FGF12: variants seen among roughly 807,000 people sequenced by gnomAD.
FGF12 encodes fibroblast growth factor 12.
Under a neutral mutation model 23.6 loss-of-function variants are expected in FGF12, and 14 were observed. The ratio of observed to expected loss-of-function variants is 0.59; its 90% CI spans 0.39 to 0.93. The LOEUF (loss-of-function observed/expected upper bound fraction) is 0.93. Ranked by LOEUF, FGF12 falls within the 40% of genes least tolerant of loss-of-function variation. The probability of loss-of-function intolerance (pLI) is 0.00; values close to 1 mark genes in which losing one functional copy is unlikely to be tolerated. For missense variants in FGF12, 175 were observed against 217.8 expected (o/e 0.80, Z 1.24); for synonymous variants, 62 against 77.3 (o/e 0.80, Z 1.04).
chr3:192,408,610 C>CA lies in FGF12; in HGVS notation c.14-48073dup, dbSNP rs1721066961. ...CAAGTGGAAGGGGAAGAACGATGCC[C>CA]AAAATAACAAGACGTGCCTCTGTTG... On this transcript the variant is annotated intron_variant, in intron 2 of 5. Coordinates refer to ENST00000445105, the MANE Select transcript of FGF12 (RefSeq NM_004113.6). The surrounding 1 kb of genome is among the most constrained non-coding windows in gnomAD (Gnocchi z 7.3). The CA allele has an allele frequency of 9.5e-7, 1 of 1,047,344 alleles. No individual in the cohort carries two copies. The highest frequency in any genetic ancestry group is 1.7e-5 in the African/African-American group (1 of 59,020). 64.9% of individuals were successfully genotyped at this position (1,047,344 alleles called of 1,614,324 possible).
chr3:192,139,413 G>GA lies in FGF12; in HGVS notation c.*4595dup, dbSNP rs1345168678. The GA allele has an allele frequency of 1.3e-5, 2 of 152,078 alleles. No homozygotes were observed. The highest frequency in any genetic ancestry group is 6.5e-5 in the Admixed American group (1 of 15,272). 9.4% of individuals were successfully genotyped at this position (152,078 alleles called of 1,614,324 possible). On this transcript the variant is annotated 3_prime_UTR_variant, in exon 6 of 6. Coordinates refer to ENST00000445105, the MANE Select transcript of FGF12 (RefSeq NM_004113.6). ...GATTTGAATAATCTGTGCTTTAATG[G>GA]AAAAATGAAACATTAATTTGTTTAG...
At chr3:192,632,677 T>G (rs1448716628) in intron 2 of FGF12, among the ~76,000 whole-genome samples, 1 of 152,250 alleles carries the variant, frequency 6.6e-6, no homozygotes, top group Non-Finnish European at 1.5e-5. Flanking sequence ...GTTCATTAAT[T>G]CTTATCGAAA....
At chr3:192,468,725 T>TA (rs1723078258) in intron 2 of FGF12, among the ~76,000 whole-genome samples, 2 of 152,066 alleles carry the variant, frequency 1.3e-5, no homozygotes, top group South Asian at 4.1e-4. Context: ...AGTTAATATA[T>TA]ATCTTGAGGA....
chr3:192,493,927 T>G (rs911209314), intron 2 of FGF12, among the ~76,000 whole-genome samples: 2 of 151,950 alleles, frequency 1.3e-5, no homozygotes, highest in African/African-American at 4.8e-5. Context: ...ACAGGATGAT[T>G]TTTTTCTGTT....
At chr3:192,269,690 C>A (rs1713303887) in intron 4 of FGF12, among the ~76,000 whole-genome samples, 1 of 152,196 alleles carries the variant, frequency 6.6e-6, no homozygotes, top group Admixed American at 6.5e-5. Context: ...GTTGCAGAGT[C>A]TACCCAATAA....
rs148950717 is a variant in FGF12 at position 192,525,931 on chromosome 3, C to T, written c.14-165393G>A. Among the ~76,000 whole-genome samples, 1,498 of 152,264 alleles carry T rather than the reference C, an allele frequency of 9.8e-3. 9 individuals are homozygous for T. Among genetic ancestry groups the T allele is most frequent in the Non-Finnish European group, 0.013 (904 of 68,028 alleles). Reference sequence around the variant, plus strand: ...CTGGGACTACAGGTGTGCGCCACCACGCCCAGCGAATTTTTGCGTTTTTAG... The same window carrying T: ...CTGGGACTACAGGTGTGCGCCACCATGCCCAGCGAATTTTTGCGTTTTTAG... On this transcript the variant is annotated intron_variant, in intron 2 of 5. Transcript: ENST00000445105.
At chr3:192,597,465 T>C (rs1048683499) in intron 2 of FGF12, among the ~76,000 whole-genome samples, 2 of 152,196 alleles carry the variant, frequency 1.3e-5, no homozygotes, top group African/African-American at 4.8e-5. Flanking sequence ...TTGACTGTTT[T>C]GCAGTGCAGG....
chr3:192,435,666 C>G (rs1337019452), intron 2 of FGF12, among the ~76,000 whole-genome samples: 3 of 152,138 alleles, frequency 2.0e-5, no homozygotes, highest in Admixed American at 2.0e-4. Flanking sequence ...CTCAGAAATT[C>G]TGTTTTCTAA....
chr3:192,410,114 G>C (rs1461152873), intron 2 of FGF12, among the ~76,000 whole-genome samples: 1 of 151,942 alleles, frequency 6.6e-6, no homozygotes, highest in Non-Finnish European at 1.5e-5. Context: ...AGTTCCTCCC[G>C]CACGGCCCGC....
At chr3:192,397,608 G>C (rs1465975228) in intron 2 of FGF12, among the ~76,000 whole-genome samples, 1 of 152,148 alleles carries the variant, frequency 6.6e-6, no homozygotes, top group Non-Finnish European at 1.5e-5. Flanking sequence ...TCCTCTATAT[G>C]TTCCATCATT....
At chr3:192,710,270 T>G (rs1718622178) in intron 2 of FGF12, among the ~76,000 whole-genome samples, 2 of 152,170 alleles carry the variant, frequency 1.3e-5, no homozygotes, top group Non-Finnish European at 2.9e-5. Flanking sequence ...GTATTTAGTA[T>G]TTAATATTAT....
At chr3:192,446,257 A>G (rs1042287277) in intron 2 of FGF12, among the ~76,000 whole-genome samples, 5 of 152,228 alleles carry the variant, frequency 3.3e-5, no homozygotes, top group African/African-American at 1.2e-4. Context: ...TTCTTTCTAA[A>G]CTATATGGCT....
At chr3:192,675,550 A>T (rs1717299443) in intron 2 of FGF12, among the ~76,000 whole-genome samples, 1 of 152,168 alleles carries the variant, frequency 6.6e-6, no homozygotes, top group Admixed American at 6.5e-5. Context: ...TGTGTTCATT[A>T]TCCACCATTT....
intron 2 of FGF12, among the ~76,000 whole-genome samples, chr3:192,466,925 G>GA (rs546149303): frequency 3.8e-4 from 58 of 151,758 alleles, no homozygotes; most frequent in East Asian, 2.1e-3. Context: ...AGCGAAATGA[G>GA]AAAAAAAAGT....
chr3:192,664,884 C>G (rs1461307815), intron 2 of FGF12, among the ~76,000 whole-genome samples: 1 of 152,166 alleles, frequency 6.6e-6, no homozygotes, highest in Non-Finnish European at 1.5e-5. Context: ...TGTCTACTAT[C>G]TAGAGTTTTA....
intron 2 of FGF12, among the ~76,000 whole-genome samples, chr3:192,388,041 T>C (rs1165116860): frequency 2.6e-5 from 4 of 152,148 alleles, no homozygotes; most frequent in Non-Finnish European, 5.9e-5. Context: ...GGAGGATTGC[T>C]AGAGACCAAG....
At chr3:192,158,382 C>CTTTCTTTCTTTCTTTCTTTCTT (rs1325095002) in intron 5 of FGF12, among the ~76,000 whole-genome samples, 28 of 81,534 alleles carry the variant, frequency 3.4e-4, no homozygotes, top group Middle Eastern at 5.2e-3. Flanking sequence ...TTCTTTCTTT[C>CTTTCTTTCTTTCTTTCTTTCTT]TTTTCTTTCT....
Position 192,514,450 on chromosome 3 carries a change from C to T in FGF12, c.14-153912G>A, listed in dbSNP as rs1034195428. Reference sequence around the variant, plus strand: ...CGCGCCCGGCGAAAGCCAACGCGCTCTCCCTACAAAGCGTCGATGACTTCA... The same window carrying T: ...CGCGCCCGGCGAAAGCCAACGCGCTTTCCCTACAAAGCGTCGATGACTTCA... On this transcript the variant is annotated intron_variant, in intron 2 of 5. Transcript: ENST00000445105. This position sits in a 1 kb window ranked among gnomAD's most constrained non-coding sequence, Gnocchi z 4.9. Among the ~76,000 whole-genome samples, 5 of 152,204 alleles carry T rather than the reference C, an allele frequency of 3.3e-5. No individual in the cohort carries two copies. The highest frequency in any genetic ancestry group is 7.3e-5 in the Non-Finnish European group (5 of 68,038).
chr3:192,225,661 G>A (rs1394051050), intron 4 of FGF12, among the ~76,000 whole-genome samples: 1 of 152,026 alleles, frequency 6.6e-6, no homozygotes, highest in Non-Finnish European at 1.5e-5. Context: ...ATAAACAAAT[G>A]TTAATATTCA....
Sources: allele counts gnomAD v4.1 joint callset (sites outside exome capture counted in the v4.1 genomes callset), GRCh38; gene constraint gnomAD v4.1.1; non-coding constraint Gnocchi (gnomAD v3.1); transcripts MANE v1.5; gene names NCBI Gene and HGNC (gene_info 2026-07-23, HGNC 2026-07-21).